INPP5A: variants seen among roughly 807,000 people sequenced by gnomAD.
INPP5A encodes the protein inositol polyphosphate-5-phosphatase A.
In INPP5A, 14 loss-of-function variants were observed where a neutral mutation model predicts 65.2. That is an observed-to-expected ratio of 0.21 (90% CI 0.14 to 0.34). The LOEUF is 0.34. INPP5A is among the 10% of genes least tolerant of loss of function. The pLI is 1.00. For missense variants in INPP5A, 431 were observed against 545.6 expected, an observed-to-expected ratio of 0.79 and a Z score of 2.09; for synonymous variants, 207 against 208.3, an observed-to-expected ratio of 0.99 and a Z score of 0.05.
In INPP5A at chr10:132,545,501, C is replaced by G. The variant is rs1309061384; in HGVS notation, c.75+7330C>G. ...AGGGTGGGCATCTCTCCACATGCCA[C>G]TCTGTGCCCCACTGCCCCTGCCGGG... is the stretch of plus-strand genomic sequence containing the variant. On this transcript the variant is annotated intron_variant, in intron 1 of 15. Transcript: ENST00000368594. This position sits in a 1 kb window ranked among gnomAD's most constrained non-coding sequence, Gnocchi z 4.6. Among the ~76,000 whole-genome samples, 1 of 152,220 alleles carries G rather than the reference C, an allele frequency of 6.6e-6. No individual in the cohort carries two copies. Among genetic ancestry groups the G allele is most frequent in the Non-Finnish European group, 1.5e-5 (1 of 68,030 alleles).
At chr10:132,699,677 G>A (rs1017411332) in intron 6 of INPP5A, among the ~76,000 whole-genome samples, 8 of 152,146 alleles carry the variant, frequency 5.3e-5, no homozygotes, top group Non-Finnish European at 8.8e-5. Context: ...GGGTCAGCCA[G>A]GGTGGGAAGC....
At chr10:132,562,312 G>T (rs563296655) in intron 1 of INPP5A, among the ~76,000 whole-genome samples, 1 of 152,242 alleles carries the variant, frequency 6.6e-6, no homozygotes, top group African/African-American at 2.4e-5. Context: ...TGGCCCGCTC[G>T]CCACCTCTGG....
intron 2 of INPP5A, among the ~76,000 whole-genome samples, chr10:132,611,479 G>A (rs1460302498): frequency 1.4e-5 from 2 of 147,980 alleles, no homozygotes; most frequent in African/African-American, 5.0e-5. Flanking sequence ...GGTGGGCATG[G>A]GAGAGGCCCT....
intron 4 of INPP5A, among the ~76,000 whole-genome samples, chr10:132,653,278 G>A (rs1022496512): frequency 6.6e-6 from 1 of 152,084 alleles, no homozygotes; most frequent in African/African-American, 2.4e-5. Flanking sequence ...GAGGGCCGCG[G>A]CTGCCTCCAC....
intron 9 of INPP5A, among the ~76,000 whole-genome samples, chr10:132,744,994 G>A (rs991018848): frequency 1.1e-4 from 17 of 152,276 alleles, no homozygotes; most frequent in Non-Finnish European, 1.8e-4. Flanking sequence ...CGGGCTGCCC[G>A]CCTCTCCCGT....
At chr10:132,638,115 T>C (rs1257731448) in intron 2 of INPP5A, among the ~76,000 whole-genome samples, 1 of 152,218 alleles carries the variant, frequency 6.6e-6, no homozygotes, top group East Asian at 1.9e-4. Context: ...TTCAAGTCCC[T>C]CTTTTCCTGC....
rs1176415105 is a variant in INPP5A at position 132,551,936 on chromosome 10, AG to A, written c.75+13769del. Among the ~76,000 whole-genome samples, 6 of 152,238 alleles carry A rather than the reference AG, an allele frequency of 3.9e-5. No individual in the cohort carries two copies. The East Asian group carries it at 1.2e-3, about 29-fold the overall frequency. On this transcript the variant is annotated intron_variant, in intron 1 of 15. Transcript: ENST00000368594. This position sits in a 1 kb window ranked among gnomAD's most constrained non-coding sequence, Gnocchi z 5.3. ...CCCAACCTGGCAGTACCCCCCACAC[AG>A]GGGTCCAGGTGTCCTCTGATTCTGC... is the stretch of plus-strand genomic sequence containing the variant.
Position 132,650,505 on chromosome 10 carries a change from G to A in INPP5A, c.306G>A (p.Thr102=), listed in dbSNP as rs2072560272. ...DENYKSQEHF[T]ALGSFYFLHE... ...ACTACAAATCCCAGGAGCACTTCAC[G>A]GTGAGTCCCTCCCGCTGCCTGGTGC... The change falls in exon 4 of 16, where the codon ACG becomes ACA. Residue 102 remains threonine, a splice_region_variant and synonymous_variant. Coordinates refer to ENST00000368594, the MANE Select transcript of INPP5A (RefSeq NM_005539.5). This position sits in a 1 kb window ranked among gnomAD's most constrained non-coding sequence, Gnocchi z 5.5. The A allele has an allele frequency of 3.7e-6, 6 of 1,608,752 alleles. No homozygotes were observed. The highest frequency in any genetic ancestry group is 1.6e-4 in the Middle Eastern group (1 of 6,068).
At chr10:132,759,661 C>T (rs146430734) in intron 11 of INPP5A, among the ~76,000 whole-genome samples, 175 of 152,064 alleles carry the variant, frequency 1.2e-3, no homozygotes, top group Non-Finnish European at 2.1e-3. Flanking sequence ...GGGGGGCTCT[C>T]GGGGGTCCGG....
At chr10:132,567,826 TTA>T (rs2071290726) in intron 1 of INPP5A, among the ~76,000 whole-genome samples, 1 of 152,204 alleles carries the variant, frequency 6.6e-6, no homozygotes, top group Non-Finnish European at 1.5e-5. Flanking sequence ...TTATACTGAA[TTA>T]TATGCTTTCC....
intron 11 of INPP5A, among the ~76,000 whole-genome samples, chr10:132,752,047 A>AG (rs1846493096): frequency 7.0e-6 from 1 of 142,604 alleles, no homozygotes; most frequent in Non-Finnish European, 1.5e-5. Context: ...GTCTGCGTGA[A>AG]GGGGGGTGCC....
chr10:132,651,597 C>T lies in INPP5A; in HGVS notation c.306+1092C>T, dbSNP rs73383171. 2.9e-3 allele frequency among the ~76,000 whole-genome samples: 449 copies of T among 152,298 alleles called. 2 individuals carry two copies. Among genetic ancestry groups the T allele is most frequent in the African/African-American group, 0.01 (418 of 41,552 alleles). On this transcript the variant is annotated intron_variant, in intron 4 of 15. Transcript: ENST00000368594. The surrounding 1 kb of genome is among the most constrained non-coding windows in gnomAD (Gnocchi z 5.0). ...GTCCCCAGCATCAGCGCCCACTAGC[C>T]GTCATTGCGCCGTCACGTGACAGGC... is the stretch of plus-strand genomic sequence containing the variant.
intron 2 of INPP5A, among the ~76,000 whole-genome samples, chr10:132,631,663 G>A (rs907975993): frequency 2.0e-5 from 3 of 152,216 alleles, no homozygotes; most frequent in Non-Finnish European, 4.4e-5. Flanking sequence ...GGGCAGGCCT[G>A]TGCTGCCTGT....
rs755503889 is a variant in INPP5A at position 132,753,194 on chromosome 10, G to A, written c.903+3349G>A. On this transcript the variant is annotated intron_variant, in intron 11 of 15. Coordinates refer to ENST00000368594, the MANE Select transcript of INPP5A (RefSeq NM_005539.5). This position sits in a 1 kb window ranked among gnomAD's most constrained non-coding sequence, Gnocchi z 5.3. ...CACTTGCCCGAGGTGCCGGCATGCC[G>A]AGTCAGTTGTGCCCAGAAATTGGCA... 2.6e-5 allele frequency among the ~76,000 whole-genome samples: 4 copies of A among 152,158 alleles called. No homozygotes were observed. The highest frequency in any genetic ancestry group is 7.2e-5 in the African/African-American group (3 of 41,440).
Position 132,727,906 on chromosome 10 carries a change from G to A in INPP5A, c.732+1001G>A, listed in dbSNP as rs994593309. Among the ~76,000 whole-genome samples, 5 of 152,270 alleles carry A rather than the reference G, an allele frequency of 3.3e-5. No individual in the cohort carries two copies. In the East Asian group the frequency reaches 5.8e-4, roughly 18 times the overall value. On this transcript the variant is annotated intron_variant, in intron 9 of 15. Coordinates refer to ENST00000368594, the MANE Select transcript of INPP5A (RefSeq NM_005539.5). The surrounding 1 kb of genome is among the most constrained non-coding windows in gnomAD (Gnocchi z 6.5). ...GTCGAACGGGGACATGGCGGTCCCC[G>A]AGACTGTTATCTTCCCATTTTAGTC...
At chr10:132,708,459 T>C (rs781182326) in intron 7 of INPP5A, 94 bp downstream of exon 7, 4 of 1,285,110 alleles carry the variant, frequency 3.1e-6, no homozygotes, top group African/African-American at 1.5e-5. Context: ...CATTGGAGGC[T>C]CTACTGATTT....
intron 11 of INPP5A, among the ~76,000 whole-genome samples, chr10:132,757,566 G>A (rs1282111037): frequency 6.6e-6 from 1 of 152,254 alleles, no homozygotes; most frequent in Non-Finnish European, 1.5e-5. Flanking sequence ...GCCTAAGGGT[G>A]CGTTTCTCAG....
At chr10:132,745,879 C>T (rs141133455) in intron 9 of INPP5A, among the ~76,000 whole-genome samples, 2,695 of 152,002 alleles carry the variant, frequency 0.018, 39 homozygotes, top group South Asian at 0.039. Flanking sequence ...GTGGTGGGCC[C>T]GGGTGTGGTG....
At chr10:132,606,330 G>A (rs975846481) in intron 1 of INPP5A, among the ~76,000 whole-genome samples, 1 of 152,124 alleles carries the variant, frequency 6.6e-6, no homozygotes, top group African/African-American at 2.4e-5. Flanking sequence ...CCTCCTGCCG[G>A]GTCCTCAGTG....
Sources: allele counts gnomAD v4.1 joint callset (sites outside exome capture counted in the v4.1 genomes callset), GRCh38; gene constraint gnomAD v4.1.1; non-coding constraint Gnocchi (gnomAD v3.1); transcripts MANE v1.5; gene names NCBI Gene and HGNC (gene_info 2026-07-23, HGNC 2026-07-21).